Variants in KIAA0825 observed in about 807,000 individuals in gnomAD.
KIAA0825 encodes uncharacterized protein KIAA0825.
In KIAA0825, 119 loss-of-function variants were observed where a neutral mutation model predicts 147.6. The observed-to-expected ratio is 0.81, with a 90% CI of 0.69 to 0.94. KIAA0825 has a LOEUF of 0.94. KIAA0825 is among the 40% of genes least tolerant of loss of function. The pLI is 0.00. For missense variants in KIAA0825, 1,381 were observed against 1,472.7 expected (o/e 0.94, Z 1.02); for synonymous variants, 470 against 518.1 (o/e 0.91, Z 1.26).
At chr5:94,158,346 G>C (rs1456987661) in intron 20 of KIAA0825, among the ~76,000 whole-genome samples, 1 of 152,072 alleles carries the variant, frequency 6.6e-6, no homozygotes, top group African/African-American at 2.4e-5. Flanking sequence ...GAGGAAGTTT[G>C]CCAAATTTGC....
intron 5 of KIAA0825, among the ~76,000 whole-genome samples, chr5:94,491,861 T>C (rs1434214234): frequency 1.3e-5 from 2 of 151,966 alleles, no homozygotes; most frequent in African/African-American, 4.8e-5. Context: ...AATAAATGAG[T>C]AAATAAATGA....
chr5:94,467,773 G>A (rs1312936385), intron 10 of KIAA0825, among the ~76,000 whole-genome samples: 1 of 152,174 alleles, frequency 6.6e-6, no homozygotes, highest in African/African-American at 2.4e-5. Flanking sequence ...TTCACCTCCA[G>A]TCAGGCAGAT....
chr5:94,250,907 G>A (rs957576594), intron 20 of KIAA0825, among the ~76,000 whole-genome samples: 33 of 152,050 alleles, frequency 2.2e-4, no homozygotes, highest in African/African-American at 8.0e-4. Flanking sequence ...TAAAGCAGTC[G>A]TTCTGTTTTA....
At chr5:94,421,619 G>A (rs1401454145) in intron 14 of KIAA0825, among the ~76,000 whole-genome samples, 1 of 152,014 alleles carries the variant, frequency 6.6e-6, no homozygotes, top group Admixed American at 6.6e-5. Context: ...CCCCCAATGT[G>A]TCCCTTCTTC....
At chr5:94,410,587 C>T (rs1305138090) in intron 15 of KIAA0825, among the ~76,000 whole-genome samples, 1 of 152,030 alleles carries the variant, frequency 6.6e-6, no homozygotes, top group Non-Finnish European at 1.5e-5. Flanking sequence ...AAGTCCTTAT[C>T]AACTATAAAA....
chr5:94,235,329 C>G (rs1159220718), intron 20 of KIAA0825, among the ~76,000 whole-genome samples: 1 of 152,178 alleles, frequency 6.6e-6, no homozygotes, highest in Non-Finnish European at 1.5e-5. Context: ...GTTTTACAGT[C>G]AGGTAGAAGA....
At chr5:94,491,593 C>T (rs746997259) in intron 5 of KIAA0825, among the ~76,000 whole-genome samples, 4 of 152,126 alleles carry the variant, frequency 2.6e-5, no homozygotes, top group Non-Finnish European at 4.4e-5. Context: ...TCATGGAGGA[C>T]CTGCAAGCAT....
intron 20 of KIAA0825, among the ~76,000 whole-genome samples, chr5:94,206,611 C>T (rs1772222159): frequency 6.6e-6 from 1 of 152,142 alleles, no homozygotes; most frequent in Non-Finnish European, 1.5e-5. Flanking sequence ...TCTTCAAAGG[C>T]TCTTCTAATT....
chr5:94,157,752 T>G (rs1376486836), intron 20 of KIAA0825, among the ~76,000 whole-genome samples: 1 of 152,228 alleles, frequency 6.6e-6, no homozygotes, highest in Non-Finnish European at 1.5e-5. Flanking sequence ...AGTGAATAAC[T>G]ATTCTAGTGA....
At chr5:94,286,373 A>G (rs1777665047) in intron 20 of KIAA0825, among the ~76,000 whole-genome samples, 1 of 151,972 alleles carries the variant, frequency 6.6e-6, no homozygotes, top group Non-Finnish European at 1.5e-5. Context: ...AATCCCATAC[A>G]CACTTATAAT....
At chr5:94,222,533 CA>C (rs1773759485) in intron 20 of KIAA0825, among the ~76,000 whole-genome samples, 2 of 151,926 alleles carry the variant, frequency 1.3e-5, no homozygotes, top group Admixed American at 6.6e-5. Context: ...TTGATGGTGG[CA>C]AAAGAGTGAT....
At chr5:94,321,023 TAAG>T (rs1310982068) in intron 20 of KIAA0825, among the ~76,000 whole-genome samples, 2 of 152,078 alleles carry the variant, frequency 1.3e-5, no homozygotes, top group African/African-American at 4.8e-5. Context: ...TTCTGAGATT[TAAG>T]AAGTAGTTAT....
chr5:94,380,026 C>T (rs1037143187), intron 20 of KIAA0825, among the ~76,000 whole-genome samples: 5 of 151,332 alleles, frequency 3.3e-5, no homozygotes, highest in Non-Finnish European at 5.9e-5. Flanking sequence ...GCTAATTTCT[C>T]GTATTTTTAG....
intron 15 of KIAA0825, among the ~76,000 whole-genome samples, chr5:94,405,609 A>G (rs1751938712): frequency 6.6e-6 from 1 of 152,216 alleles, no homozygotes; most frequent in Admixed American, 6.5e-5. Flanking sequence ...GATGCTTCAT[A>G]ACTTTAGCTG....
At chr5:94,374,836 T>C (rs1335810456) in intron 20 of KIAA0825, among the ~76,000 whole-genome samples, 1 of 152,144 alleles carries the variant, frequency 6.6e-6, no homozygotes, top group Non-Finnish European at 1.5e-5. Context: ...CTCTTAATCC[T>C]TCATGTGCAT....
chr5:94,556,747 G>A (rs1776613442), intron 2 of KIAA0825, among the ~76,000 whole-genome samples: 1 of 152,096 alleles, frequency 6.6e-6, no homozygotes, highest in South Asian at 2.1e-4. Context: ...TTACTTTTTA[G>A]AAACCAGCAA....
At chr5:94,214,280 T>A (rs1583871379) in intron 20 of KIAA0825, among the ~76,000 whole-genome samples, 1 of 152,160 alleles carries the variant, frequency 6.6e-6, no homozygotes, top group Non-Finnish European at 1.5e-5. Context: ...TCTATAAAGA[T>A]CATACCCTTC....
chr5:94,264,393 T>C (rs1776646848), intron 20 of KIAA0825, among the ~76,000 whole-genome samples: 1 of 152,186 alleles, frequency 6.6e-6, no homozygotes, highest in Non-Finnish European at 1.5e-5. Flanking sequence ...TTAGTACATG[T>C]GTGTTAAATG....
At chr5:94,324,519 T>A (rs760777114) in intron 20 of KIAA0825, among the ~76,000 whole-genome samples, 10 of 152,022 alleles carry the variant, frequency 6.6e-5, no homozygotes, top group Non-Finnish European at 1.3e-4. Context: ...ATATTCTTTG[T>A]TACTACCAGT....
Sources: allele counts gnomAD v4.1 joint callset (sites outside exome capture counted in the v4.1 genomes callset), GRCh38; gene constraint gnomAD v4.1.1; transcripts MANE v1.5; gene names NCBI Gene and HGNC (gene_info 2026-07-23, HGNC 2026-07-21).